The following MKX variants were observed in gnomAD, a reference collection of about 807,000 sequenced individuals.
MKX encodes homeobox protein Mohawk.
A neutral mutation model predicts 36.0 loss-of-function variants in MKX; 13 were observed. That is an observed-to-expected ratio of 0.36 (90% CI 0.24 to 0.57). MKX has a LOEUF of 0.57. MKX is among the 20% of genes least tolerant of loss of function. The pLI is 0.79. For synonymous variants in MKX, 176 were observed against 178.3 expected, an observed-to-expected ratio of 0.99 and a Z score of 0.10; for missense variants, 458 against 456.4, an observed-to-expected ratio of 1.00 and a Z score of -0.03.
chr10:27,743,207 C>T (rs2252651), intron 2 of MKX, 21 bp downstream of exon 2: 1,100,571 of 1,439,188 alleles, frequency 0.76, 427,597 homozygotes, highest in Non-Finnish European at 0.8. Flanking sequence ...GCGGGCAGGG[C>T]CCCCAGGGGA....
chr10:27,686,141 T>C (rs1836343484), intron 5 of MKX, among the ~76,000 whole-genome samples: 1 of 152,112 alleles, frequency 6.6e-6, no homozygotes, highest in South Asian at 2.1e-4. Context: ...CTGGATTTTG[T>C]GGATCTGGAG....
At chr10:27,740,548 A>G (rs1379208729) in intron 3 of MKX, among the ~76,000 whole-genome samples, 1 of 152,200 alleles carries the variant, frequency 6.6e-6, no homozygotes, top group Non-Finnish European at 1.5e-5. Flanking sequence ...ACTGCCTACA[A>G]CATCGTGGTT....
chr10:27,737,632 C>T (rs553872223), intron 3 of MKX, among the ~76,000 whole-genome samples: 1 of 152,082 alleles, frequency 6.6e-6, no homozygotes, highest in Non-Finnish European at 1.5e-5. Context: ...AGGTACTAAC[C>T]TCCCTCTGTT....
chr10:27,720,155 C>T lies in MKX; in HGVS notation c.838+14301G>A, dbSNP rs181625652. On this transcript the variant is annotated intron_variant, in intron 5 of 6. Coordinates refer to ENST00000419761, the MANE Select transcript of MKX (RefSeq NM_173576.3). The stretch of plus-strand genomic sequence containing the variant: ...AAGTAGAGAACCAAGGAATCTCAGG[C>T]TAAGATCCTTTCACAAGTGAATTCT... 6.6e-4 allele frequency among the ~76,000 whole-genome samples: 100 copies of T among 152,110 alleles called. 1 individual carries two copies. In the East Asian group the frequency reaches 0.011, roughly 17 times the overall value.
chr10:27,695,604 G>A (rs1341416096), intron 5 of MKX, among the ~76,000 whole-genome samples: 1 of 152,102 alleles, frequency 6.6e-6, no homozygotes, highest in Non-Finnish European at 1.5e-5. Context: ...CACATAAAAT[G>A]AAAAATACTT....
At chr10:27,679,122 GA>G (rs1454627005) in intron 5 of MKX, among the ~76,000 whole-genome samples, 1 of 152,140 alleles carries the variant, frequency 6.6e-6, no homozygotes, top group Non-Finnish European at 1.5e-5. Flanking sequence ...GGCCTGTCGG[GA>G]GGTGGGGGGC....
At chr10:27,688,367 G>T (rs542872558) in intron 5 of MKX, among the ~76,000 whole-genome samples, 1 of 152,338 alleles carries the variant, frequency 6.6e-6, no homozygotes, top group African/African-American at 2.4e-5. Flanking sequence ...TCAGATTAAT[G>T]GATTAAGTGT....
chr10:27,711,412 CTT>C (rs1491353056), intron 5 of MKX, among the ~76,000 whole-genome samples: 3 of 121,546 alleles, frequency 2.5e-5, no homozygotes, highest in South Asian at 2.7e-4. Flanking sequence ...TTCTTTCCTT[CTT>C]TCTTTCTTTC....
intron 3 of MKX, among the ~76,000 whole-genome samples, chr10:27,737,556 T>A (rs1174307424): frequency 6.6e-6 from 1 of 152,102 alleles, no homozygotes; most frequent in African/African-American, 2.4e-5. Flanking sequence ...CCTTGCTAGC[T>A]CTAAAAATTA....
intron 5 of MKX, among the ~76,000 whole-genome samples, chr10:27,714,209 C>T (rs1411670387): frequency 6.6e-6 from 1 of 151,962 alleles, no homozygotes; most frequent in Non-Finnish European, 1.5e-5. Context: ...AATTTGTAGT[C>T]TGTCTGGCAC....
At chr10:27,679,562 C>T (rs1836215669) in intron 5 of MKX, among the ~76,000 whole-genome samples, 1 of 152,286 alleles carries the variant, frequency 6.6e-6, no homozygotes, top group African/African-American at 2.4e-5. Context: ...GTTCTGGTTC[C>T]CAGAATAGCC....
intron 5 of MKX, among the ~76,000 whole-genome samples, chr10:27,676,380 CTT>C (rs1176984277): frequency 1.5e-4 from 19 of 127,728 alleles, no homozygotes; most frequent in Non-Finnish European, 1.6e-4. Context: ...TTTTCTTTTT[CTT>C]TTTTTTTTTT....
rs1459030400 is a variant in MKX, at chr10:27,673,949, G to A, written c.*1280C>T. The stretch of plus-strand genomic sequence containing the variant: ...AAAGTCAAACCCTTTTTACTTCTCT[G>A]TAGCACATACCCTCTGTTATATTTG... On this transcript the variant is annotated 3_prime_UTR_variant, in exon 7 of 7. Transcript: ENST00000419761. 6.6e-6 allele frequency: 1 copy of A among 151,200 alleles called. No homozygotes were observed. Among genetic ancestry groups the A allele is most frequent in the Non-Finnish European group, 1.5e-5 (1 of 67,846 alleles). The allele number at this position is 151,200 out of a possible 1,614,324, so 9.4% of individuals were successfully genotyped here. A position where few individuals can be genotyped will look rare whatever the true frequency, so the allele number is the denominator to read the frequency against.
intron 3 of MKX, among the ~76,000 whole-genome samples, chr10:27,738,968 T>G (rs900340125): frequency 2.6e-5 from 4 of 152,006 alleles, no homozygotes; most frequent in African/African-American, 9.7e-5. Context: ...CATATATATA[T>G]CAGCAGGCAC....
chr10:27,720,222 A>G (rs915460120), intron 5 of MKX, among the ~76,000 whole-genome samples: 1 of 152,022 alleles, frequency 6.6e-6, no homozygotes, highest in Non-Finnish European at 1.5e-5. Context: ...TGCTAACTTT[A>G]TTTAAAATTT....
At chr10:27,708,999 T>C (rs944544586) in intron 5 of MKX, among the ~76,000 whole-genome samples, 3 of 151,490 alleles carry the variant, frequency 2.0e-5, no homozygotes, top group Admixed American at 6.6e-5. Flanking sequence ...TGAAACCCCG[T>C]CTGTACTAAA....
chr10:27,692,594 T>C (rs1341491062), intron 5 of MKX, among the ~76,000 whole-genome samples: 1 of 152,196 alleles, frequency 6.6e-6, no homozygotes, highest in Non-Finnish European at 1.5e-5. Flanking sequence ...TTTCTTAATC[T>C]TTCCTTTGGG....
At position 27,683,400 on chromosome 10, in the gene MKX, G is replaced by A. The variant is rs150787184; in HGVS notation, c.839-7846C>T. 2.5e-3 allele frequency among the ~76,000 whole-genome samples: 379 copies of A among 152,370 alleles called. 2 individuals carry two copies. Among genetic ancestry groups the A allele is most frequent in the African/African-American group, 8.6e-3 (358 of 41,592 alleles). On this transcript the variant is annotated intron_variant, in intron 5 of 6. Transcript: ENST00000419761. ...GCCTCGGTATGCAGAAGGCTATGCC[G>A]TCTAGGTTTGTGTTAGTACACACTA...
intron 5 of MKX, among the ~76,000 whole-genome samples, chr10:27,684,487 T>C (rs919776780): frequency 6.6e-5 from 10 of 152,212 alleles, no homozygotes; most frequent in Non-Finnish European, 1.2e-4. Flanking sequence ...AACATTTGAA[T>C]GTATGGCCTT....
Sources: allele counts gnomAD v4.1 joint callset (sites outside exome capture counted in the v4.1 genomes callset), GRCh38; gene constraint gnomAD v4.1.1; transcripts MANE v1.5; gene names NCBI Gene and HGNC (gene_info 2026-07-23, HGNC 2026-07-21).